Variants in DDX60L observed in about 807,000 individuals in gnomAD.
DDX60L encodes DExD/H-box 60 like.
DDX60L carries 191 observed loss-of-function variants against 211.6 expected under a neutral mutation model. The ratio of observed to expected loss-of-function variants is 0.90; its 90% CI spans 0.80 to 1.02. The LOEUF (loss-of-function observed/expected upper bound fraction) is 1.02, where lower values mean the gene tolerates loss of function less well. Among genes scored for constraint, DDX60L ranks in the 50% least tolerant of loss-of-function variants. The pLI, the probability that DDX60L is intolerant of heterozygous loss-of-function variation, is 0.00. For missense variants in DDX60L, 2,007 were observed against 1,984.1 expected, an observed-to-expected ratio of 1.01 and a Z score of -0.22; for synonymous variants, 706 against 694.1, an observed-to-expected ratio of 1.02 and a Z score of -0.27.
intron 18 of DDX60L, among the ~76,000 whole-genome samples, chr4:168,419,871 C>A (rs1242724372): frequency 1.3e-5 from 2 of 150,976 alleles, no homozygotes; most frequent in Non-Finnish European, 3.0e-5. Flanking sequence ...ATATCATAAT[C>A]TTCTATTTGA....
Position 168,404,032 on chromosome 4 carries a change from A to C in DDX60L, c.3288T>G (p.Leu1096=). 1 of 1,503,234 alleles carries C rather than the reference A, an allele frequency of 6.7e-7. No individual in the cohort carries two copies. The highest frequency in any genetic ancestry group is 9.0e-7 in the Non-Finnish European group (1 of 1,116,550). The allele number at this position is 1,503,234 out of a possible 1,614,324, so 93.1% of individuals were successfully genotyped here. ...CCATTTGTCTTAACTTTTCAACAAGAAGAGGAAACATTTTCACCATATCTT... is the reference window on the plus strand; with the variant it reads ...CCATTTGTCTTAACTTTTCAACAAGCAGAGGAAACATTTTCACCATATCTT... ...SSKDMVKMFP[L]LVEKLRQMDK... is the part of the protein sequence containing the mutation. Residue 1096 remains leucine (L), a synonymous_variant, in exon 25 of 38, where the codon CTT becomes CTG. Transcript: ENST00000682922.
intron 4 of DDX60L, chr4:168,471,479 C>A: frequency 3.8e-6 from 1 of 261,506 alleles, no homozygotes; most frequent in East Asian, 7.4e-5. Context: ...AGTAAACCTA[C>A]CCAATATACC....
chr4:168,406,219 C>A, intron 23 of DDX60L, 141 bp from the exon 24 acceptor site: 1 of 743,470 alleles, frequency 1.3e-6, no homozygotes, highest in South Asian at 2.0e-5. Context: ...CATCTTTTTA[C>A]CTCCCAATAA....
intron 10 of DDX60L, 115 bp downstream of exon 10, chr4:168,441,222 A>G: frequency 9.8e-7 from 1 of 1,021,580 alleles, no homozygotes; most frequent in Non-Finnish European, 1.4e-6. Context: ...GAGGTAAACA[A>G]GAAAGCACAG....
At chr4:168,383,976 C>T (rs1194582900) in intron 30 of DDX60L, among the ~76,000 whole-genome samples, 1 of 152,114 alleles carries the variant, frequency 6.6e-6, no homozygotes, top group Non-Finnish European at 1.5e-5. Flanking sequence ...TAATCAGCTG[C>T]CAGCATGGCC....
chr4:168,467,266 A>G (rs1442590053), intron 4 of DDX60L, among the ~76,000 whole-genome samples: 1 of 151,966 alleles, frequency 6.6e-6, no homozygotes, highest in Non-Finnish European at 1.5e-5. Context: ...AAAATTAGCC[A>G]ACCATGCTGC....
rs1487048865 is a variant in DDX60L, at chr4:168,371,613, C to A, written c.4927G>T (p.Gly1643Trp). ...ACAGAAACATACCCATAAACTTACC[C>A]ATTTTTTTGGTCTAATCTTGTCAAG... ...NCLTRLDQKN[G>W]MRMGQLLKCL... The change falls in exon 36 of 38, where the codon GGG (glycine) becomes TGG (tryptophan). Residue 1643 changes from glycine (G) to tryptophan (W), a missense_variant and splice_region_variant. By Grantham distance (184) the Gly-to-Trp change is radical. Transcript: ENST00000682922. The A allele has an allele frequency of 6.5e-7, 1 of 1,545,782 alleles. No individual in the cohort carries two copies. Among genetic ancestry groups the A allele is most frequent in the Admixed American group, 2.0e-5 (1 of 51,154 alleles).
At chr4:168,473,278 T>C (rs926119518) in intron 1 of DDX60L, among the ~76,000 whole-genome samples, 3 of 152,194 alleles carry the variant, frequency 2.0e-5, no homozygotes, top group Non-Finnish European at 2.9e-5. Flanking sequence ...AACTCAGCCA[T>C]TGATGGGTTT....
chr4:168,430,913 T>C (rs1323075072), intron 12 of DDX60L, among the ~76,000 whole-genome samples: 1 of 152,142 alleles, frequency 6.6e-6, no homozygotes, highest in African/African-American at 2.4e-5. Flanking sequence ...TAATAGCACA[T>C]TCACCTGCAA....
chr4:168,461,410 C>A (rs1191648249), intron 5 of DDX60L, among the ~76,000 whole-genome samples: 1 of 152,068 alleles, frequency 6.6e-6, no homozygotes, highest in Non-Finnish European at 1.5e-5. Flanking sequence ...TCTAAATATT[C>A]TTTTACAGAT....
At chr4:168,409,440 T>C (rs1258326912) in intron 22 of DDX60L, among the ~76,000 whole-genome samples, 6 of 152,192 alleles carry the variant, frequency 3.9e-5, no homozygotes, top group African/African-American at 1.4e-4. Context: ...TAAAATACTA[T>C]GCAACTAAAA....
intron 23 of DDX60L, 40 bp from the exon 24 acceptor site, chr4:168,406,118 C>A (rs762672085): frequency 1.9e-6 from 3 of 1,563,652 alleles, no homozygotes; most frequent in Admixed American, 4.1e-5. Context: ...CTAAGCTATG[C>A]AATCTATAGT....
intron 28 of DDX60L, among the ~76,000 whole-genome samples, chr4:168,392,886 G>A (rs1478189591): frequency 3.3e-5 from 5 of 150,422 alleles, no homozygotes; most frequent in African/African-American, 1.2e-4. Context: ...AGCTCCCACA[G>A]TCTCAGAATA....
intron 9 of DDX60L, among the ~76,000 whole-genome samples, chr4:168,443,378 G>A (rs1023888632): frequency 2.0e-5 from 3 of 151,990 alleles, no homozygotes; most frequent in Non-Finnish European, 4.4e-5. Flanking sequence ...GGGACTATGT[G>A]AAAAGACCAA....
At chr4:168,373,892 C>T (rs548707680) in intron 34 of DDX60L, 84 bp from the exon 35 acceptor site, 12 of 1,341,834 alleles carry the variant, frequency 8.9e-6, no homozygotes, top group South Asian at 2.7e-5. Context: ...GGTCAAGCCA[C>T]AGTAGGTGAC....
chr4:168,365,837 G>A lies in DDX60L; in HGVS notation c.4929-4626C>T, dbSNP rs1032129727. Among the ~76,000 whole-genome samples, 3 of 151,912 alleles carry A rather than the reference G, an allele frequency of 2.0e-5. No homozygotes were observed. In the East Asian group the frequency reaches 5.8e-4, roughly 29 times the overall value. ...AAAATGTCATTCAATAAGATCAAGG[G>A]GGATTTATCCAGGGAATGCAAGGAT... On this transcript the variant is annotated intron_variant, in intron 36 of 37. Transcript: ENST00000682922.
chr4:168,442,812 G>C (rs1217942833), intron 9 of DDX60L, among the ~76,000 whole-genome samples: 5 of 151,106 alleles, frequency 3.3e-5, no homozygotes, highest in Admixed American at 6.6e-5. Flanking sequence ...CTGCAGCTGA[G>C]GGTCCTCTCT....
At chr4:168,443,010 G>T (rs529288332) in intron 9 of DDX60L, among the ~76,000 whole-genome samples, 1 of 152,334 alleles carries the variant, frequency 6.6e-6, no homozygotes, top group South Asian at 2.1e-4. Flanking sequence ...ACCAGCAATG[G>T]AACAAAGCTG....
chr4:168,362,645 A>G (rs954891729), intron 36 of DDX60L, among the ~76,000 whole-genome samples: 3 of 152,184 alleles, frequency 2.0e-5, no homozygotes, highest in Admixed American at 1.3e-4. Context: ...CAAAAGAACC[A>G]AAAAAATCGT....
Sources: gnomAD v4.1 joint callset for allele counts (sites outside exome capture counted in the v4.1 genomes callset) on GRCh38, gnomAD v4.1.1 for gene constraint, MANE v1.5 for transcripts, NCBI Gene and HGNC (gene_info 2026-07-23, HGNC 2026-07-21) for gene names.